DNAH9: variants seen among roughly 807,000 people sequenced by gnomAD.
DNAH9 encodes the protein DNAH9 variant protein.
A neutral mutation model predicts 471.6 loss-of-function variants in DNAH9; 345 were observed. The observed-to-expected ratio is 0.73, with a 90% CI of 0.67 to 0.80. DNAH9 has a LOEUF of 0.80. DNAH9 is among the 30% of genes least tolerant of loss of function. The pLI is 0.00. For synonymous variants in DNAH9, 2,093 were observed against 2,123.6 expected, an observed-to-expected ratio of 0.99 and a Z score of 0.40; for missense variants, 5,407 against 5,609.2, an observed-to-expected ratio of 0.96 and a Z score of 1.15.
rs1974736389 is a variant in DNAH9 at position 11,937,087 on chromosome 17, T to C, written c.12490-265T>C. On this transcript the variant is annotated intron_variant, in intron 65 of 68. Transcript: ENST00000262442. This position sits in a 1 kb window ranked among gnomAD's most constrained non-coding sequence, Gnocchi z 4.1. ...GAGTGGGAGGCATTGGGTGTGGAGA[T>C]AGATAAAGTCATCTAAGCCTCCCAG... Among the ~76,000 whole-genome samples, 1 of 152,040 alleles carries C rather than the reference T, an allele frequency of 6.6e-6. No individual in the cohort carries two copies. Among genetic ancestry groups the C allele is most frequent in the South Asian group, 2.1e-4 (1 of 4,816 alleles).
At chr17:11,807,345 T>A (rs1420152164) in intron 43 of DNAH9, among the ~76,000 whole-genome samples, 1 of 152,166 alleles carries the variant, frequency 6.6e-6, no homozygotes, top group Non-Finnish European at 1.5e-5. Context: ...TTCAACTGTT[T>A]CGCTTTTTCC....
rs1366158303 is a variant in DNAH9 at position 11,719,451 on chromosome 17, G to A, written c.5670G>A (p.Leu1890=). The change falls in exon 27 of 69, where the codon CTG becomes CTA. Residue 1890 remains leucine, a synonymous_variant. Transcript: ENST00000262442. ...TKDLGRALGI[L]VYVFNCSEQM... ...ACCTGGGCCGCGCACTGGGCATCCT[G>A]GTCTATGTGTTCAACTGCTCGGAGC... The A allele has an allele frequency of 6.2e-7, 1 of 1,613,616 alleles. No homozygotes were observed. The highest frequency in any genetic ancestry group is 1.3e-5 in the African/African-American group (1 of 74,848).
intron 1 of DNAH9, among the ~76,000 whole-genome samples, chr17:11,607,306 C>G (rs1441279443): frequency 6.6e-6 from 1 of 152,152 alleles, no homozygotes; most frequent in African/African-American, 2.4e-5. Context: ...GTTTTTCAGT[C>G]AACATACTCA....
intron 6 of DNAH9, among the ~76,000 whole-genome samples, chr17:11,622,634 A>G (rs751084120): frequency 1.3e-5 from 2 of 152,164 alleles, no homozygotes; most frequent in Non-Finnish European, 2.9e-5. Flanking sequence ...CTGTGCACAC[A>G]TGCTAATGAT....
intron 41 of DNAH9, among the ~76,000 whole-genome samples, chr17:11,787,241 G>T (rs1291005741): frequency 6.6e-6 from 1 of 152,202 alleles, no homozygotes; most frequent in Non-Finnish European, 1.5e-5. Flanking sequence ...CACAGAAACA[G>T]CTGGATTGGT....
chr17:11,941,802 T>C (rs571854256), intron 66 of DNAH9, among the ~76,000 whole-genome samples: 1 of 151,804 alleles, frequency 6.6e-6, no homozygotes, highest in East Asian at 1.9e-4. Context: ...AGATAGATAT[T>C]GTATATAACT....
In DNAH9 at chr17:11,807,872, G is replaced by A. The variant is rs1597674967; in HGVS notation, c.8561G>A (p.Gly2854Asp). The A allele has an allele frequency of 1.2e-6, 2 of 1,611,184 alleles. No individual in the cohort carries two copies. Among genetic ancestry groups the A allele is most frequent in the East Asian group, 4.5e-5 (2 of 44,818 alleles). Residue 2854 changes from glycine to aspartate, a missense_variant, in exon 44 of 69, where the codon GGC becomes GAC. This residue lies in a region of DNAH9 where 4,636 missense variants were observed against 4,900.3 expected (regional missense o/e 0.95). Transcript: ENST00000262442. The part of the protein sequence containing the change: ...MDVFQITLRK[G>D]YQIQDFKMDL... ...GTCTTCCAGATCACACTGCGCAAAG[G>A]CTACCAGATCCAGGACTTCAAGGTA...
In DNAH9 at chr17:11,902,783, G is replaced by GGAAAAAGTTTGTGGAGTCC. The variant is rs1415835300; in HGVS notation, c.11475_11493dup (p.Cys3832LysfsTer9). ...GACATAGAGGGATCTGCTAAGAGCT[G>GGAAAAAGTTTGTGGAGTCC]GAAAAAGTTTGTGGAGTCCGAATGT... On this transcript the variant is annotated frameshift_variant, in exon 60 of 69. Transcript: ENST00000262442. LOFTEE classifies it high-confidence loss of function. The GGAAAAAGTTTGTGGAGTCC allele has an allele frequency of 1.2e-6, 2 of 1,614,032 alleles. No homozygotes were observed. Among genetic ancestry groups the GGAAAAAGTTTGTGGAGTCC allele is most frequent in the Non-Finnish European group, 1.7e-6 (2 of 1,179,888 alleles).
intron 59 of DNAH9, among the ~76,000 whole-genome samples, chr17:11,899,313 G>C (rs185989996): frequency 2.0e-5 from 3 of 152,178 alleles, no homozygotes; most frequent in African/African-American, 7.2e-5. Context: ...TCCTTTGTAA[G>C]GGTTTTTTAG....
intron 50 of DNAH9, among the ~76,000 whole-genome samples, chr17:11,862,795 G>A (rs1467750565): frequency 1.4e-3 from 204 of 143,094 alleles, no homozygotes; most frequent in South Asian, 3.2e-3. Context: ...GTGAATGGGG[G>A]TTCACTCATG....
intron 65 of DNAH9, among the ~76,000 whole-genome samples, chr17:11,935,662 C>CCG (rs1693472347): frequency 6.6e-6 from 1 of 151,960 alleles, no homozygotes; most frequent in Non-Finnish European, 1.5e-5. Flanking sequence ...GCGTGAGCCA[C>CCG]CGCGCCCGGC....
At chr17:11,815,196 A>AC (rs1469837054) in intron 45 of DNAH9, among the ~76,000 whole-genome samples, 8 of 37,844 alleles carry the variant, frequency 2.1e-4, no homozygotes, top group Admixed American at 5.3e-4. Context: ...GTGGTAATAA[A>AC]CTGTTTTTTT....
intron 60 of DNAH9, among the ~76,000 whole-genome samples, 194 bp downstream of exon 60, chr17:11,903,106 C>T (rs558663352): frequency 6.6e-6 from 1 of 151,790 alleles, no homozygotes; most frequent in Non-Finnish European, 1.5e-5. Flanking sequence ...TTCGGGAGGC[C>T]GAGGCAGGTG....
intron 38 of DNAH9, among the ~76,000 whole-genome samples, chr17:11,771,743 C>G (rs1470832525): frequency 6.6e-6 from 1 of 152,110 alleles, no homozygotes; most frequent in Non-Finnish European, 1.5e-5. Flanking sequence ...CCAGCTCTGC[C>G]CATTTACCTC....
intron 49 of DNAH9, among the ~76,000 whole-genome samples, chr17:11,851,719 T>C (rs1971427257): frequency 6.6e-6 from 1 of 152,190 alleles, no homozygotes; most frequent in Non-Finnish European, 1.5e-5. Context: ...CCACTCATCA[T>C]ACTGCCAGCT....
rs758724578 is a variant in DNAH9 at position 11,598,822 on chromosome 17, C to T, written c.324C>T (p.Pro108=). 4 of 1,495,140 alleles carry T rather than the reference C, an allele frequency of 2.7e-6. No homozygotes were observed. Among genetic ancestry groups the T allele is most frequent in the South Asian group, 1.2e-5 (1 of 81,478 alleles). The allele number at this position is 1,495,140 out of a possible 1,614,324, so 92.6% of individuals were successfully genotyped here. The stretch of plus-strand genomic sequence containing the variant: ...CGCTTTTTTTCCTTCGCACCGGGCC[C>T]GAGCCTCCAGGGCCCGACAGCTTCC... The part of the protein sequence containing the change: ...AKALFFLRTG[P]EPPGPDSFRG... Residue 108 remains proline, a synonymous_variant, in exon 1 of 69, where the codon CCC becomes CCT. Coordinates refer to ENST00000262442, the MANE Select transcript of DNAH9 (RefSeq NM_001372.4).
At position 11,719,457 on chromosome 17, in the gene DNAH9, T is replaced by C. The variant is rs2075017933; in HGVS notation, c.5676T>C (p.Tyr1892=). The C allele has an allele frequency of 6.2e-7, 1 of 1,613,690 alleles. No homozygotes were observed. Among genetic ancestry groups the C allele is most frequent in the Non-Finnish European group, 8.5e-7 (1 of 1,179,934 alleles). Residue 1892 remains tyrosine, a synonymous_variant, in exon 27 of 69, where the codon TAT becomes TAC. Coordinates refer to ENST00000262442, the MANE Select transcript of DNAH9 (RefSeq NM_001372.4). ...GCCGCGCACTGGGCATCCTGGTCTA[T>C]GTGTTCAACTGCTCGGAGCAGATGG... The part of the protein sequence containing the change: ...DLGRALGILV[Y]VFNCSEQMDY...
chr17:11,944,610 TCC>T (rs1037664403), intron 67 of DNAH9, among the ~76,000 whole-genome samples: 1 of 152,148 alleles, frequency 6.6e-6, no homozygotes, highest in African/African-American at 2.4e-5. Context: ...TGTCTACTGG[TCC>T]CACTGCGAAA....
chr17:11,899,264 G>T (rs999092462), intron 59 of DNAH9, among the ~76,000 whole-genome samples: 13 of 152,042 alleles, frequency 8.6e-5, no homozygotes, highest in African/African-American at 3.1e-4. Flanking sequence ...AGCAGGTAAT[G>T]AATGAAATCT....
Sources: gnomAD v4.1 joint callset for allele counts (sites outside exome capture counted in the v4.1 genomes callset) on GRCh38, gnomAD v4.1.1 for gene constraint, gnomAD v4.1.1 regional missense constraint, Gnocchi (gnomAD v3.1) non-coding constraint, MANE v1.5 for transcripts, NCBI Gene and HGNC (gene_info 2026-07-23, HGNC 2026-07-21) for gene names.